DOCK7: variants seen among roughly 807,000 people sequenced by gnomAD.
DOCK7 encodes the protein dedicator of cytokinesis 7.
In DOCK7, 138 loss-of-function variants were observed where a neutral mutation model predicts 271.0. The ratio of observed to expected loss-of-function variants is 0.51; its 90% CI spans 0.44 to 0.59. The LOEUF (loss-of-function observed/expected upper bound fraction) is 0.59, where lower values mean the gene tolerates loss of function less well. DOCK7 is among the 20% of genes least tolerant of loss of function. The pLI, the probability that DOCK7 is intolerant of heterozygous loss-of-function variation, is 0.00. For missense variants in DOCK7, 2,066 were observed against 2,592.4 expected (o/e 0.80, Z 4.41); for synonymous variants, 823 against 876.1 (o/e 0.94, Z 1.07).
intron 22 of DOCK7, among the ~76,000 whole-genome samples, chr1:62,552,209 T>C (rs1645929113): frequency 6.7e-6 from 1 of 149,228 alleles, no homozygotes; most frequent in Non-Finnish European, 1.5e-5. Context: ...TGGAAATAAA[T>C]GTGTGTGGGG....
intron 22 of DOCK7, among the ~76,000 whole-genome samples, chr1:62,551,382 A>G (rs1011472272): frequency 6.6e-6 from 1 of 151,186 alleles, no homozygotes; most frequent in Non-Finnish European, 1.5e-5. Context: ...GAACAAACTC[A>G]TAATGTTTTA....
At position 62,501,157 on chromosome 1, in the gene DOCK7, G is replaced by A. The variant is rs139266415; in HGVS notation, c.4764+3473C>T. 2.6e-5 allele frequency among the ~76,000 whole-genome samples: 4 copies of A among 152,194 alleles called. No homozygotes were observed. The East Asian group carries it at 5.8e-4, about 22-fold the overall frequency. ...GAGCCTACGAGTTCAAGACCAGACT[G>A]GGCAACAAAGTGAGTTCCTGTCTCG... is the stretch of plus-strand genomic sequence containing the variant. On this transcript the variant is annotated intron_variant, in intron 37 of 49. Transcript: ENST00000635253.
At chr1:62,571,833 A>G (rs1039339610) in intron 18 of DOCK7, among the ~76,000 whole-genome samples, 3 of 152,208 alleles carry the variant, frequency 2.0e-5, no homozygotes, top group South Asian at 2.1e-4. Flanking sequence ...GTTCTCACTC[A>G]TAAGTGGGAG....
At chr1:62,480,750 T>G (rs1415277119) in intron 43 of DOCK7, among the ~76,000 whole-genome samples, 1 of 152,214 alleles carries the variant, frequency 6.6e-6, no homozygotes, top group Non-Finnish European at 1.5e-5. Context: ...GGCTCATGCC[T>G]GTAATCCCAG....
intron 33 of DOCK7, 65 bp downstream of exon 33, chr1:62,513,369 CATAGGATTGA>C: frequency 7.4e-7 from 1 of 1,354,272 alleles, no homozygotes; most frequent in Non-Finnish European, 9.7e-7. Flanking sequence ...TTTTAAAAAG[CATAGGATTGA>C]CATTGAAGAC....
At chr1:62,641,032 C>A in intron 7 of DOCK7, 1 of 171,876 alleles carries the variant, frequency 5.8e-6, no homozygotes, top group Non-Finnish European at 1.2e-5. Context: ...CTGGACTGCC[C>A]CTCCTGGATC....
intron 1 of DOCK7, among the ~76,000 whole-genome samples, chr1:62,681,062 T>G (rs943690805): frequency 1.1e-4 from 16 of 152,070 alleles, no homozygotes; most frequent in African/African-American, 2.9e-4. Flanking sequence ...TATAAATCAT[T>G]CTGCTATAAA....
chr1:62,455,482 T>A, intron 49 of DOCK7, 26 bp from the exon 50 acceptor site: 1 of 1,608,314 alleles, frequency 6.2e-7, no homozygotes, highest in East Asian at 2.2e-5. Flanking sequence ...GAGGACATAG[T>A]TAGTTAAAGA....
rs1357890326 is a variant in DOCK7, at chr1:62,492,763, A to C, written c.5302T>G (p.Tyr1768Asp). ...CCCACAAGTCCTGACTCAGTAAAGT[A>C]TTTTCCAGAGCAGATACCTTCTTCA... Reference protein sequence around the residue: ...PDEEGICSGKYFTESGLVGLL... With the variant: ...PDEEGICSGKDFTESGLVGLL... Residue 1768 changes from tyrosine to aspartate, a missense_variant, in exon 41 of 50, where the codon TAC (tyrosine) becomes GAC (aspartate). Around this residue, in one of 2 missense-constraint regions of DOCK7, gnomAD observed 652 missense variants for 922.1 expected, o/e 0.71. Coordinates refer to ENST00000635253, the MANE Select transcript of DOCK7 (RefSeq NM_001367561.1). 1 of 1,614,120 alleles carries C rather than the reference A, an allele frequency of 6.2e-7. No homozygotes were observed. Among genetic ancestry groups the C allele is most frequent in the Non-Finnish European group, 8.5e-7 (1 of 1,180,000 alleles).
intron 31 of DOCK7, among the ~76,000 whole-genome samples, chr1:62,515,399 T>C (rs1289379696): frequency 6.6e-6 from 1 of 152,210 alleles, no homozygotes; most frequent in Non-Finnish European, 1.5e-5. Context: ...ATAAGGAAAA[T>C]GCTCCTTTAT....
chr1:62,668,320 G>C (rs147615108), intron 1 of DOCK7, among the ~76,000 whole-genome samples: 94 of 152,222 alleles, frequency 6.2e-4, no homozygotes, highest in African/African-American at 2.2e-3. Context: ...GTGTAAAAAA[G>C]ACTTAAGACT....
At chr1:62,624,413 G>T (rs915239535) in intron 12 of DOCK7, among the ~76,000 whole-genome samples, 11 of 152,010 alleles carry the variant, frequency 7.2e-5, no homozygotes, top group African/African-American at 2.7e-4. Flanking sequence ...TTGACTCATG[G>T]TTAAAAGTGA....
chr1:62,646,394 T>C (rs1656668520), intron 7 of DOCK7, among the ~76,000 whole-genome samples: 1 of 152,090 alleles, frequency 6.6e-6, no homozygotes, highest in Non-Finnish European at 1.5e-5. Context: ...ATGAAATGTA[T>C]CATCCCCCAA....
intron 16 of DOCK7, among the ~76,000 whole-genome samples, chr1:62,580,602 T>C (rs1168328079): frequency 6.6e-6 from 1 of 152,186 alleles, no homozygotes; most frequent in Non-Finnish European, 1.5e-5. Context: ...GAGTTATTCA[T>C]TCAATAAGTA....
At chr1:62,499,082 G>A (rs1287855962) in intron 37 of DOCK7, among the ~76,000 whole-genome samples, 4 of 152,182 alleles carry the variant, frequency 2.6e-5, no homozygotes, top group Admixed American at 2.0e-4. Flanking sequence ...GATTACAGGC[G>A]TGAGCCACTG....
At chr1:62,677,676 G>C (rs964114242) in intron 1 of DOCK7, among the ~76,000 whole-genome samples, 2 of 152,064 alleles carry the variant, frequency 1.3e-5, no homozygotes, top group Admixed American at 1.3e-4. Context: ...AAATTGAATT[G>C]ACTGGAATGA....
chr1:62,598,183 G>T, intron 14 of DOCK7: 1 of 968,288 alleles, frequency 1.0e-6, no homozygotes, highest in East Asian at 3.0e-5. Context: ...TTTTTTCCAA[G>T]AAAAATAATC....
Position 62,474,016 on chromosome 1 carries a change from T to C in DOCK7, c.6178A>G (p.Lys2060Glu). The change falls in exon 48 of 50, where the codon AAA (lysine) becomes GAA (glutamate). Residue 2060 changes from lysine (K) to glutamate (E), a missense_variant. Lys to Glu is a moderately conservative substitution (Grantham distance 56, BLOSUM62 1). Coordinates refer to ENST00000635253, the MANE Select transcript of DOCK7 (RefSeq NM_001367561.1). ...AAATCTTTAAAGCAGAGTCGCAGTT[T>C]ATTATGATGTCTGAAGAGCTTTGGG... ...SDPKLFRHHN[K>E]LRLCFKDFTK... 3 of 1,614,060 alleles carry C rather than the reference T, an allele frequency of 1.9e-6. No individual in the cohort carries two copies. Among genetic ancestry groups the C allele is most frequent in the Non-Finnish European group, 2.5e-6 (3 of 1,179,960 alleles).
chr1:62,650,041 G>C (rs571580979), intron 4 of DOCK7, among the ~76,000 whole-genome samples: 164 of 152,180 alleles, frequency 1.1e-3, no homozygotes, highest in African/African-American at 3.6e-3. Context: ...CTTGAGGCCA[G>C]GAATTCAAGG....
Sources: gnomAD v4.1 joint callset for allele counts (sites outside exome capture counted in the v4.1 genomes callset) on GRCh38, gnomAD v4.1.1 for gene constraint, gnomAD v4.1.1 regional missense constraint, MANE v1.5 for transcripts, NCBI Gene and HGNC (gene_info 2026-07-23, HGNC 2026-07-21) for gene names.